The following COP1 variants were observed in gnomAD, a reference collection of about 807,000 sequenced individuals.
COP1 encodes the protein E3 ubiquitin-protein ligase COP1.
Under a neutral mutation model 101.3 loss-of-function variants are expected in COP1, and 24 were observed. That is an observed-to-expected ratio of 0.24 (90% CI 0.17 to 0.33). COP1 has a LOEUF of 0.33. Ranked by LOEUF, COP1 falls within the 10% of genes least tolerant of loss-of-function variation. The probability of loss-of-function intolerance (pLI) is 1.00; values close to 1 mark genes in which losing one functional copy is unlikely to be tolerated. For missense variants in COP1, 663 were observed against 906.2 expected, an observed-to-expected ratio of 0.73 and a Z score of 3.45; for synonymous variants, 347 against 341.9, an observed-to-expected ratio of 1.01 and a Z score of -0.17.
chr1:176,167,197 C>A (rs1046304779), intron 3 of COP1, among the ~76,000 whole-genome samples: 5 of 152,252 alleles, frequency 3.3e-5, no homozygotes, highest in Admixed American at 1.3e-4. Context: ...AAAACCCTTT[C>A]AAAACTATGT....
At chr1:175,983,941 G>A (rs2148703040) in intron 18 of COP1, among the ~76,000 whole-genome samples, 1 of 152,282 alleles carries the variant, frequency 6.6e-6, no homozygotes, top group African/African-American at 2.4e-5. Flanking sequence ...GCATACAAGA[G>A]GTGACCTGAA....
chr1:176,030,977 T>C (rs12040241), intron 14 of COP1, among the ~76,000 whole-genome samples: 44,867 of 151,928 alleles, frequency 0.3, 7,984 homozygotes, highest in Admixed American at 0.38. Context: ...AAGAAGGCCA[T>C]GTGTGAAGAG....
At chr1:176,008,816 T>G (rs1318372139) in intron 15 of COP1, among the ~76,000 whole-genome samples, 1 of 152,234 alleles carries the variant, frequency 6.6e-6, no homozygotes, top group Non-Finnish European at 1.5e-5. Context: ...ATGGAGCCAC[T>G]GACATCTTTA....
At chr1:176,079,203 A>C (rs1444927680) in intron 11 of COP1, among the ~76,000 whole-genome samples, 1 of 152,166 alleles carries the variant, frequency 6.6e-6, no homozygotes, top group Non-Finnish European at 1.5e-5. Flanking sequence ...TTCACTGCAG[A>C]GCTATTCACA....
At position 176,163,910 on chromosome 1, in the gene COP1, T is replaced by TA. The variant is rs747858405; in HGVS notation, c.566-20dup. On this transcript the variant is annotated intron_variant, in intron 3 of 19. Transcript: ENST00000367669. ...TCATTCACTGAAAACAGAAACAAAA[T>TA]AAAAAGCACACATAATTTGTATTTT... is the stretch of plus-strand genomic sequence containing the variant. The TA allele has an allele frequency of 2.0e-6, 3 of 1,518,206 alleles. No homozygotes were observed. Among genetic ancestry groups the TA allele is most frequent in the Non-Finnish European group, 2.7e-6 (3 of 1,105,238 alleles). The allele number at this position is 1,518,206 out of a possible 1,614,324, so 94.0% of individuals were successfully genotyped here. A position where few individuals can be genotyped will look rare whatever the true frequency, so the allele number is the denominator to read the frequency against.
intron 18 of COP1, among the ~76,000 whole-genome samples, chr1:175,978,046 G>A (rs886779504): frequency 1.3e-5 from 2 of 151,978 alleles, no homozygotes; most frequent in Non-Finnish European, 2.9e-5. Flanking sequence ...TTTTAGCATG[G>A]TGAGATTACA....
At chr1:176,190,128 T>C (rs1446079798) in intron 1 of COP1, among the ~76,000 whole-genome samples, 1 of 152,056 alleles carries the variant, frequency 6.6e-6, no homozygotes, top group Non-Finnish European at 1.5e-5. Flanking sequence ...AGGGTGAATA[T>C]CCATCATCCA....
In COP1 at chr1:176,038,590, C is replaced by T. The variant is rs560893151; in HGVS notation, c.1612+4596G>A. Among the ~76,000 whole-genome samples, 31 of 152,160 alleles carry T rather than the reference C, an allele frequency of 2.0e-4. 1 individual carries two copies. The highest frequency in any genetic ancestry group is 1.7e-3 in the South Asian group (8 of 4,814). On this transcript the variant is annotated intron_variant, in intron 14 of 19. Coordinates refer to ENST00000367669, the MANE Select transcript of COP1 (RefSeq NM_022457.7). ...ATCCCAGCACTTTGGGAGGCCAAGG[C>T]GGGCAGATCACAAGGTCAAGAGTTC...
intron 9 of COP1, among the ~76,000 whole-genome samples, chr1:176,102,457 G>A (rs1007436779): frequency 6.6e-6 from 1 of 152,140 alleles, no homozygotes; most frequent in Non-Finnish European, 1.5e-5. Flanking sequence ...TTCTGAAACT[G>A]CCACTGCAAA....
intron 15 of COP1, among the ~76,000 whole-genome samples, chr1:176,010,570 C>T (rs974072217): frequency 6.6e-6 from 1 of 152,108 alleles, no homozygotes; most frequent in Non-Finnish European, 1.5e-5. Flanking sequence ...GTTTTTGGCA[C>T]AAATACTATA....
At chr1:176,154,025 G>C (rs1693057017) in intron 5 of COP1, among the ~76,000 whole-genome samples, 1 of 152,140 alleles carries the variant, frequency 6.6e-6, no homozygotes, top group Non-Finnish European at 1.5e-5. Context: ...GCATGGATGT[G>C]AATCAGTAAC....
intron 8 of COP1, among the ~76,000 whole-genome samples, chr1:176,123,713 TA>T (rs932388443): frequency 2.6e-4 from 39 of 152,260 alleles, no homozygotes; most frequent in African/African-American, 8.9e-4. Flanking sequence ...GTAAAAGAAT[TA>T]AAAATCTTTA....
chr1:176,152,786 C>G (rs617078), intron 5 of COP1, among the ~76,000 whole-genome samples: 41,241 of 152,024 alleles, frequency 0.27, 6,705 homozygotes, highest in East Asian at 0.52. Flanking sequence ...GTGTGTTTCC[C>G]CTACTTGGGT....
In COP1 at chr1:176,071,393, C is replaced by G. The variant is rs865824614; in HGVS notation, c.1277+9759G>C. ...TTAAACCTCTTCTCTTTATAAATTA[C>G]CCAGTCTCGGGTATTTCTTTATAGC... On this transcript the variant is annotated intron_variant, in intron 11 of 19. Transcript: ENST00000367669. 3.3e-5 allele frequency among the ~76,000 whole-genome samples: 5 copies of G among 152,106 alleles called. No homozygotes were observed. In the South Asian group the frequency reaches 1.0e-3, roughly 32 times the overall value.
intron 8 of COP1, among the ~76,000 whole-genome samples, chr1:176,125,938 C>G (rs1687915415): frequency 6.6e-6 from 1 of 152,086 alleles, no homozygotes; most frequent in African/African-American, 2.4e-5. Flanking sequence ...ATATCTTTCA[C>G]TTCTTTGGTT....
Position 175,999,579 on chromosome 1 carries a change from C to A in COP1, c.1730-10100G>T, listed in dbSNP as rs1661103344. ...CAGTGCCGCAAAAAACATGGGAATG[C>A]AGATAGCTCTTTCATATAGAAGTTG... is the stretch of plus-strand genomic sequence containing the variant. On this transcript the variant is annotated intron_variant, in intron 15 of 19. Coordinates refer to ENST00000367669, the MANE Select transcript of COP1 (RefSeq NM_022457.7). Among the ~76,000 whole-genome samples the A allele has an allele frequency of 2.0e-5, 3 of 152,056 alleles. No homozygotes were observed. The South Asian group carries it at 6.2e-4, about 31-fold the overall frequency.
chr1:176,049,579 C>G (rs538668173), intron 11 of COP1, among the ~76,000 whole-genome samples: 4 of 151,844 alleles, frequency 2.6e-5, no homozygotes, highest in South Asian at 2.1e-4. Context: ...AGGTCCCCCC[C>G]CTCAAACCAC....
intron 1 of COP1, among the ~76,000 whole-genome samples, chr1:176,204,113 TA>T (rs1259040257): frequency 6.6e-6 from 1 of 152,178 alleles, no homozygotes; most frequent in East Asian, 1.9e-4. Context: ...TGAAACTCTC[TA>T]ATTGCACACA....
intron 14 of COP1, among the ~76,000 whole-genome samples, chr1:176,037,692 C>G (rs1362631236): frequency 2.0e-5 from 3 of 152,162 alleles, no homozygotes; most frequent in African/African-American, 4.8e-5. Context: ...TAAAGAGAAA[C>G]TACATGATGA....
Sources: gnomAD v4.1 joint callset for allele counts (sites outside exome capture counted in the v4.1 genomes callset) on GRCh38, gnomAD v4.1.1 for gene constraint, MANE v1.5 for transcripts, NCBI Gene and HGNC (gene_info 2026-07-23, HGNC 2026-07-21) for gene names.